The following CSNK1G1 variants were observed in gnomAD, a reference collection of about 807,000 sequenced individuals.
CSNK1G1 encodes the protein casein kinase 1 gamma 1.
In CSNK1G1, 22 loss-of-function variants were observed where a neutral mutation model predicts 59.6. The observed-to-expected ratio is 0.37, with a 90% CI of 0.26 to 0.53. The LOEUF (loss-of-function observed/expected upper bound fraction) is 0.53, where lower values mean the gene tolerates loss of function less well. Among genes scored for constraint, CSNK1G1 ranks in the 20% least tolerant of loss-of-function variants. CSNK1G1 has a pLI of 0.89. For missense variants in CSNK1G1, 384 were observed against 519.5 expected, an observed-to-expected ratio of 0.74 and a Z score of 2.54; for synonymous variants, 179 against 177.1, an observed-to-expected ratio of 1.01 and a Z score of -0.08.
intron 1 of CSNK1G1, among the ~76,000 whole-genome samples, chr15:64,308,156 A>G (rs1895788354): frequency 6.6e-6 from 1 of 152,218 alleles, no homozygotes; most frequent in African/African-American, 2.4e-5. Context: ...GTAAATTATA[A>G]ATAAAATTTG....
intron 1 of CSNK1G1, among the ~76,000 whole-genome samples, chr15:64,325,577 C>T (rs770571366): frequency 1.3e-5 from 2 of 152,152 alleles, no homozygotes; most frequent in Non-Finnish European, 2.9e-5. Context: ...AGATTCACAA[C>T]TACTTTAAAT....
intron 2 of CSNK1G1, among the ~76,000 whole-genome samples, chr15:64,293,311 G>T (rs1894841506): frequency 6.6e-6 from 1 of 152,030 alleles, no homozygotes; most frequent in South Asian, 2.1e-4. Flanking sequence ...ATGAGCAAAG[G>T]CCACATAGAA....
In CSNK1G1 at chr15:64,229,920, T is replaced by A. The variant is rs1196994526; in HGVS notation, c.293-13207A>T. On this transcript the variant is annotated intron_variant, in intron 4 of 11. Coordinates refer to ENST00000303052, the MANE Select transcript of CSNK1G1 (RefSeq NM_022048.5). The stretch of plus-strand genomic sequence containing the variant: ...TTTGTAAATTTTTTTTTTTTTTTTT[T>A]TTTTTTTTTTTTTTTTTTTAAGACA... 2.0e-3 allele frequency among the ~76,000 whole-genome samples: 215 copies of A among 108,032 alleles called. 6 individuals carry two copies. Among genetic ancestry groups the A allele is most frequent in the African/African-American group, 7.7e-3 (209 of 27,250 alleles). The allele number at this position is 108,032 out of a possible 152,430, so 70.9% of individuals were successfully genotyped here.
intron 1 of CSNK1G1, among the ~76,000 whole-genome samples, chr15:64,326,560 C>T (rs1744661992): frequency 6.6e-6 from 1 of 151,898 alleles, no homozygotes; most frequent in Non-Finnish European, 1.5e-5. Flanking sequence ...AGGAGAATCG[C>T]TTGAACCTGG....
intron 1 of CSNK1G1, among the ~76,000 whole-genome samples, chr15:64,347,339 A>AC (rs1898031249): frequency 6.6e-6 from 1 of 152,202 alleles, no homozygotes; most frequent in African/African-American, 2.4e-5. Context: ...AGAAAAACCT[A>AC]CACATGTATG....
At position 64,167,907 on chromosome 15, in the gene CSNK1G1, G is replaced by A. The variant is rs2081620456; in HGVS notation, c.*4024C>T. 1 of 152,238 alleles carries A rather than the reference G, an allele frequency of 6.6e-6. No homozygotes were observed. 9.4% of individuals were successfully genotyped at this position (152,238 alleles called of 1,614,324 possible). A position where few individuals can be genotyped will look rare whatever the true frequency, so the allele number is the denominator to read the frequency against. The stretch of plus-strand genomic sequence containing the variant: ...TTTATCTTTTACATAAAAAAGTTAA[G>A]GCTATAATCTTTAGTAACCACTTTG... On this transcript the variant is annotated 3_prime_UTR_variant, in exon 12 of 12. Coordinates refer to ENST00000303052, the MANE Select transcript of CSNK1G1 (RefSeq NM_022048.5).
intron 4 of CSNK1G1, among the ~76,000 whole-genome samples, chr15:64,231,789 A>AT (rs1476302847): frequency 6.6e-6 from 1 of 152,186 alleles, no homozygotes; most frequent in Non-Finnish European, 1.5e-5. Flanking sequence ...GCATTTTAAA[A>AT]ATATATATAA....
chr15:64,274,435 C>T (rs745615239), intron 2 of CSNK1G1, among the ~76,000 whole-genome samples: 73 of 152,050 alleles, frequency 4.8e-4, no homozygotes, highest in Admixed American at 1.6e-3. Flanking sequence ...TAAAAGCATA[C>T]CAATAACTAT....
chr15:64,333,845 A>T (rs891796448), intron 1 of CSNK1G1, among the ~76,000 whole-genome samples: 8 of 152,206 alleles, frequency 5.3e-5, no homozygotes, highest in African/African-American at 1.9e-4. Context: ...ATTTAACAAG[A>T]TTTTACAATC....
At position 64,252,398 on chromosome 15, in the gene CSNK1G1, T is replaced by C. The variant is rs115103541; in HGVS notation, c.223-817A>G. On this transcript the variant is annotated intron_variant, in intron 3 of 11. Coordinates refer to ENST00000303052, the MANE Select transcript of CSNK1G1 (RefSeq NM_022048.5). ...GCTAATTTTTAATTTTTTGTAGAGA[T>C]AGGATCTTACTATGCTGCCTAGGCT... 3.4e-3 allele frequency among the ~76,000 whole-genome samples: 520 copies of C among 152,216 alleles called. 3 individuals carry two copies. The highest frequency in any genetic ancestry group is 0.012 in the African/African-American group (502 of 41,542).
intron 10 of CSNK1G1, among the ~76,000 whole-genome samples, 158 bp from the exon 11 acceptor site, chr15:64,180,612 A>T (rs1006061839): frequency 6.6e-6 from 1 of 152,194 alleles, no homozygotes; most frequent in Non-Finnish European, 1.5e-5. Flanking sequence ...ATCATGCGAG[A>T]ACACTAATAT....
chr15:64,343,721 T>C (rs1051851966), intron 1 of CSNK1G1, among the ~76,000 whole-genome samples: 10 of 151,368 alleles, frequency 6.6e-5, no homozygotes, highest in African/African-American at 1.2e-4. Context: ...CAACTCGAAA[T>C]TGAAGATATA....
intron 8 of CSNK1G1, 111 bp from the exon 9 acceptor site, chr15:64,204,700 A>G (rs753692770): frequency 3.0e-4 from 382 of 1,271,948 alleles, no homozygotes; most frequent in Non-Finnish European, 4.1e-4. Context: ...TTTGACACTG[A>G]TGTTTTCTTT....
In CSNK1G1 at chr15:64,204,645, T is replaced by C. The variant is rs760350764; in HGVS notation, c.851-56A>G. The C allele has an allele frequency of 2.5e-4, 399 of 1,566,392 alleles. 4 individuals are homozygous for C. The Middle Eastern group carries it at 0.011, about 44-fold the overall frequency. On this transcript the variant is annotated intron_variant, in intron 8 of 11. Transcript: ENST00000303052. ...ATTAGCTGAATGCTTTCCATAGCAG[T>C]TGTGGGGAAGCATTGGGCCACAAAG... is the stretch of plus-strand genomic sequence containing the variant.
chr15:64,328,861 A>G (rs1435137103), intron 1 of CSNK1G1, among the ~76,000 whole-genome samples: 3 of 87,340 alleles, frequency 3.4e-5, no homozygotes, highest in Non-Finnish European at 6.7e-5. Context: ...AAAAAAAGGC[A>G]GGGGTTGCAA....
chr15:64,214,238 A>T lies in CSNK1G1; in HGVS notation c.445-114T>A, dbSNP rs1335937022. 2.6e-6 allele frequency: 2 copies of T among 767,240 alleles called. No homozygotes were observed. Among genetic ancestry groups the T allele is most frequent in the Non-Finnish European group, 4.4e-6 (2 of 458,552 alleles). 47.5% of individuals were successfully genotyped at this position (767,240 alleles called of 1,614,324 possible). On this transcript the variant is annotated intron_variant, in intron 5 of 11. Coordinates refer to ENST00000303052, the MANE Select transcript of CSNK1G1 (RefSeq NM_022048.5). This position sits in a 1 kb window ranked among gnomAD's most constrained non-coding sequence, Gnocchi z 4.3. ...AATTATTGAAATAACAGTAAAATTC[A>T]TCTCCTTTCACCGCCCTGAGTCACT...
chr15:64,322,997 A>T (rs538325929), intron 1 of CSNK1G1, among the ~76,000 whole-genome samples: 43 of 150,322 alleles, frequency 2.9e-4, no homozygotes, highest in African/African-American at 1.0e-3. Context: ...CAATCATCTC[A>T]CTGTAGCTTC....
chr15:64,250,962 T>C (rs1222917337), intron 4 of CSNK1G1, among the ~76,000 whole-genome samples: 1 of 152,154 alleles, frequency 6.6e-6, no homozygotes, highest in Non-Finnish European at 1.5e-5. Flanking sequence ...TTTGAGAAAT[T>C]AGAGCTTTTT....
intron 1 of CSNK1G1, among the ~76,000 whole-genome samples, chr15:64,355,142 T>G (rs900225644): frequency 2.6e-5 from 4 of 152,176 alleles, no homozygotes; most frequent in Admixed American, 2.6e-4. Flanking sequence ...CTGTGATACA[T>G]CTATATGGTT....
Sources: allele counts gnomAD v4.1 joint callset (sites outside exome capture counted in the v4.1 genomes callset), GRCh38; gene constraint gnomAD v4.1.1; non-coding constraint Gnocchi (gnomAD v3.1); transcripts MANE v1.5; gene names NCBI Gene and HGNC (gene_info 2026-07-23, HGNC 2026-07-21).